VWC2: variants seen among roughly 807,000 people sequenced by gnomAD.
VWC2 encodes the protein von Willebrand factor C domain containing 2, also known as brorin.
A neutral mutation model predicts 29.8 loss-of-function variants in VWC2; 14 were observed. That is an observed-to-expected ratio of 0.47 (90% CI 0.31 to 0.74). The LOEUF (loss-of-function observed/expected upper bound fraction) is 0.74, where lower values mean the gene tolerates loss of function less well. Ranked by LOEUF, VWC2 falls within the 30% of genes least tolerant of loss-of-function variation. The pLI, the probability that VWC2 is intolerant of heterozygous loss-of-function variation, is 0.05. For synonymous variants in VWC2, 213 were observed against 199.0 expected, an observed-to-expected ratio of 1.07 and a Z score of -0.59; for missense variants, 457 against 459.8, an observed-to-expected ratio of 0.99 and a Z score of 0.05.
intron 3 of VWC2, among the ~76,000 whole-genome samples, chr7:49,835,151 A>G (rs1158688670): frequency 6.6e-6 from 1 of 152,168 alleles, no homozygotes; most frequent in Non-Finnish European, 1.5e-5. Flanking sequence ...GTGATTGGCT[A>G]TTCATTGTTG....
chr7:49,836,053 G>A (rs906090969), intron 3 of VWC2, among the ~76,000 whole-genome samples: 1 of 152,154 alleles, frequency 6.6e-6, no homozygotes, highest in Non-Finnish European at 1.5e-5. Context: ...CAGAGAAAGG[G>A]AGTTTGCTAG....
At chr7:49,777,544 C>G (rs1198351689) in intron 2 of VWC2, among the ~76,000 whole-genome samples, 1 of 152,162 alleles carries the variant, frequency 6.6e-6, no homozygotes, top group East Asian at 1.9e-4. Context: ...GATAAGGGGC[C>G]AGCTTTCCCT....
chr7:49,844,168 C>T (rs1789864171), intron 3 of VWC2, among the ~76,000 whole-genome samples: 1 of 152,180 alleles, frequency 6.6e-6, no homozygotes, highest in African/African-American at 2.4e-5. Flanking sequence ...AAGGTCTGCT[C>T]AGACGGGAAT....
intron 3 of VWC2, among the ~76,000 whole-genome samples, chr7:49,861,938 A>T (rs1790666686): frequency 6.6e-6 from 1 of 152,098 alleles, no homozygotes; most frequent in African/African-American, 2.4e-5. Flanking sequence ...TGACTTTTTT[A>T]AAGATTATTA....
Position 49,780,224 on chromosome 7 carries a change from A to G in VWC2, c.696+4093A>G, listed in dbSNP as rs691424. ...AACATTAACTGAGGGGCTCAACTTG[A>G]CCATTCTGATTCTGTGTCTATTGCA... On this transcript the variant is annotated intron_variant, in intron 2 of 3. Transcript: ENST00000340652. Among the ~76,000 whole-genome samples the G allele has an allele frequency of 5.3e-3, 806 of 152,236 alleles. 9 individuals carry two copies. Among genetic ancestry groups the G allele is most frequent in the African/African-American group, 0.018 (763 of 41,534 alleles).
At chr7:49,790,714 T>C (rs1378901219) in intron 2 of VWC2, among the ~76,000 whole-genome samples, 1 of 151,804 alleles carries the variant, frequency 6.6e-6, no homozygotes, top group East Asian at 2.0e-4. Context: ...GGTCGGGGAC[T>C]CAGGCTGCAG....
intron 3 of VWC2, among the ~76,000 whole-genome samples, chr7:49,821,696 G>T (rs1583650785): frequency 6.6e-6 from 1 of 151,212 alleles, no homozygotes; most frequent in East Asian, 1.9e-4. Flanking sequence ...AGTTGATTCT[G>T]TGAGTTAAAA....
At chr7:49,803,416 G>A (rs139835789) in intron 3 of VWC2, among the ~76,000 whole-genome samples, 9 of 152,310 alleles carry the variant, frequency 5.9e-5, no homozygotes, top group African/African-American at 1.9e-4. Context: ...GAGGTACTGA[G>A]GGCATTACAC....
intron 3 of VWC2, among the ~76,000 whole-genome samples, chr7:49,806,897 T>C (rs1043229647): frequency 1.3e-5 from 2 of 152,184 alleles, no homozygotes; most frequent in African/African-American, 4.8e-5. Context: ...ATTACGTGAT[T>C]GTGCCCATAA....
intron 3 of VWC2, among the ~76,000 whole-genome samples, chr7:49,839,637 T>C (rs2128713120): frequency 6.6e-6 from 1 of 152,208 alleles, no homozygotes; most frequent in Admixed American, 6.5e-5. Flanking sequence ...CTTTGTCTGT[T>C]GCCAGAGATC....
At chr7:49,908,357 A>T (rs1793218870) in intron 3 of VWC2, among the ~76,000 whole-genome samples, 1 of 152,222 alleles carries the variant, frequency 6.6e-6, no homozygotes, top group South Asian at 2.1e-4. Context: ...TCAATTGGTG[A>T]GGGACTTAGA....
chr7:49,908,320 T>C (rs1793216905), intron 3 of VWC2, among the ~76,000 whole-genome samples: 1 of 152,302 alleles, frequency 6.6e-6, no homozygotes, highest in South Asian at 2.1e-4. Flanking sequence ...AACTTTGGAA[T>C]GCCCTTGTCC....
At chr7:49,802,911 G>A in intron 3 of VWC2, 71 bp downstream of exon 3, 1 of 1,601,130 alleles carries the variant, frequency 6.2e-7, no homozygotes, top group Non-Finnish European at 8.5e-7. Context: ...CTGCTTCATG[G>A]TAGACGGGAC....
chr7:49,910,804 T>C (rs2128742419), intron 3 of VWC2, among the ~76,000 whole-genome samples: 1 of 152,278 alleles, frequency 6.6e-6, no homozygotes, highest in East Asian at 1.9e-4. Flanking sequence ...CACACTAAGA[T>C]GGTGCTTCTC....
chr7:49,892,031 ATTTTTTTTTTTTTTTT>A (rs536880676), intron 3 of VWC2, among the ~76,000 whole-genome samples: 2 of 53,202 alleles, frequency 3.8e-5, no homozygotes, highest in African/African-American at 7.4e-5. Flanking sequence ...GACAAAGTAG[ATTTTTTTTTTTTTTTT>A]TTTTTTTTTT....
chr7:49,906,351 T>C (rs977683402), intron 3 of VWC2, among the ~76,000 whole-genome samples: 2 of 152,174 alleles, frequency 1.3e-5, no homozygotes, highest in Non-Finnish European at 2.9e-5. Flanking sequence ...CTCTTTTTTT[T>C]TGAGACAGAG....
intron 3 of VWC2, among the ~76,000 whole-genome samples, chr7:49,884,790 G>A (rs1316231570): frequency 6.6e-6 from 1 of 151,638 alleles, no homozygotes; most frequent in Non-Finnish European, 1.5e-5. Context: ...AATAAACCTA[G>A]GATTCCAAAG....
chr7:49,818,152 C>T (rs772912765), intron 3 of VWC2, among the ~76,000 whole-genome samples: 3 of 152,116 alleles, frequency 2.0e-5, no homozygotes, highest in Non-Finnish European at 4.4e-5. Context: ...TGAAAGAAGG[C>T]AGATTGGGAA....
chr7:49,784,964 G>C (rs1788263519), intron 2 of VWC2, among the ~76,000 whole-genome samples: 1 of 152,058 alleles, frequency 6.6e-6, no homozygotes, highest in Non-Finnish European at 1.5e-5. Context: ...CCAGATATTG[G>C]GATGTAAAAT....
Sources: gnomAD v4.1 joint callset for allele counts (sites outside exome capture counted in the v4.1 genomes callset) on GRCh38, gnomAD v4.1.1 for gene constraint, MANE v1.5 for transcripts, NCBI Gene and HGNC (gene_info 2026-07-23, HGNC 2026-07-21) for gene names.